The following DLG2 variants were observed in gnomAD, a reference collection of about 807,000 sequenced individuals.
DLG2 encodes the protein discs large MAGUK scaffold protein 2, also known as disks large homolog 2.
In DLG2, 45 loss-of-function variants were observed where a neutral mutation model predicts 132.5. The observed-to-expected ratio is 0.34, with a 90% confidence interval of 0.27 to 0.44. The LOEUF (loss-of-function observed/expected upper bound fraction) is 0.44. Among genes scored for constraint, DLG2 ranks in the 20% least tolerant of loss-of-function variants. The probability of loss-of-function intolerance (pLI) is 1.00; values close to 1 mark genes in which losing one functional copy is unlikely to be tolerated. For synonymous variants in DLG2, 424 were observed against 419.6 expected, an observed-to-expected ratio of 1.01 and a Z score of -0.13; for missense variants, 1,045 against 1,196.9, an observed-to-expected ratio of 0.87 and a Z score of 1.87.
At chr11:85,422,943 A>G (rs2090433579) in intron 3 of DLG2, among the ~76,000 whole-genome samples, 1 of 144,072 alleles carries the variant, frequency 6.9e-6, no homozygotes, top group South Asian at 2.3e-4. Context: ...TTTTCAGGTA[A>G]ATCAGGGATT....
rs149806301 is a variant in DLG2, at chr11:85,097,263, G to A, written c.357+14398C>T. ...ACTCTATTCCCTTCTTTAGGCACCCGGGCTCACCAATCAGAAAGACATAAT... is the reference window on the plus strand; with the variant it reads ...ACTCTATTCCCTTCTTTAGGCACCCAGGCTCACCAATCAGAAAGACATAAT... On this transcript the variant is annotated intron_variant, in intron 6 of 27. Coordinates refer to ENST00000376104, the MANE Select transcript of DLG2 (RefSeq NM_001142699.3). Among the ~76,000 whole-genome samples, 1,095 of 152,038 alleles carry A rather than the reference G, an allele frequency of 7.2e-3. 11 individuals carry two copies. The highest frequency in any genetic ancestry group is 0.025 in the African/African-American group (1,041 of 41,472).
chr11:84,308,328 G>A (rs1267450767), intron 7 of DLG2, among the ~76,000 whole-genome samples: 1 of 152,154 alleles, frequency 6.6e-6, no homozygotes, highest in African/African-American at 2.4e-5. Flanking sequence ...ACAGAGTGTC[G>A]ATTGGTGCAT....
intron 3 of DLG2, among the ~76,000 whole-genome samples, chr11:85,485,276 G>A (rs948900981): frequency 9.2e-5 from 14 of 151,988 alleles, no homozygotes; most frequent in Admixed American, 5.9e-4. Context: ...TGGGTGCAGC[G>A]CACCAGCATG....
At chr11:84,007,682 G>A (rs1305797916) in intron 11 of DLG2, among the ~76,000 whole-genome samples, 1 of 151,626 alleles carries the variant, frequency 6.6e-6, no homozygotes, top group African/African-American at 2.4e-5. Context: ...TTTCTAATAC[G>A]TAAAGAGATA....
intron 19 of DLG2, among the ~76,000 whole-genome samples, chr11:83,604,233 T>C (rs1471265912): frequency 6.6e-6 from 1 of 152,202 alleles, no homozygotes; most frequent in Non-Finnish European, 1.5e-5. Context: ...TTTACTATAT[T>C]CACAATGACA....
intron 3 of DLG2, among the ~76,000 whole-genome samples, chr11:85,344,387 G>A (rs2082693493): frequency 6.6e-6 from 1 of 152,116 alleles, no homozygotes; most frequent in African/African-American, 2.4e-5. Flanking sequence ...ACGGGAATTA[G>A]AGGGCTTCTT....
chr11:84,370,275 G>T (rs1273943198), intron 7 of DLG2, among the ~76,000 whole-genome samples: 11 of 151,910 alleles, frequency 7.2e-5, no homozygotes, highest in Non-Finnish European at 1.3e-4. Context: ...ACTTTATTAG[G>T]TACTTAAAAT....
intron 9 of DLG2, among the ~76,000 whole-genome samples, chr11:84,115,999 T>G (rs778390493): frequency 6.6e-6 from 1 of 152,136 alleles, no homozygotes; most frequent in African/African-American, 2.4e-5. Flanking sequence ...TAAGAAGCGG[T>G]AATAGAGTGA....
At chr11:84,394,028 G>T (rs1043586266) in intron 7 of DLG2, among the ~76,000 whole-genome samples, 1 of 151,992 alleles carries the variant, frequency 6.6e-6, no homozygotes, top group Non-Finnish European at 1.5e-5. Flanking sequence ...TGTGATTACA[G>T]GCATGCATCA....
chr11:85,097,818 C>A (rs867998982), intron 6 of DLG2, among the ~76,000 whole-genome samples: 2 of 152,114 alleles, frequency 1.3e-5, no homozygotes, highest in African/African-American at 4.8e-5. Context: ...GTCCCTAGAC[C>A]TGGGATTTTG....
At chr11:84,794,509 A>C (rs990597327) in intron 6 of DLG2, among the ~76,000 whole-genome samples, 2 of 152,116 alleles carry the variant, frequency 1.3e-5, no homozygotes, top group Non-Finnish European at 2.9e-5. Context: ...ATGGTTCAAC[A>C]CCTGGGCATC....
At chr11:85,093,312 T>G (rs1459468623) in intron 6 of DLG2, among the ~76,000 whole-genome samples, 1 of 151,936 alleles carries the variant, frequency 6.6e-6, no homozygotes, top group African/African-American at 2.4e-5. Flanking sequence ...AGTTTTTGTT[T>G]TTTTTTTGTA....
At chr11:85,020,857 C>G in intron 6 of DLG2, 1 of 757,628 alleles carries the variant, frequency 1.3e-6, no homozygotes, top group Non-Finnish European at 2.5e-6. Flanking sequence ...TCTTCATTGT[C>G]ATCATCCAGT....
At chr11:84,920,098 C>G (rs2092687258) in intron 6 of DLG2, among the ~76,000 whole-genome samples, 1 of 152,162 alleles carries the variant, frequency 6.6e-6, no homozygotes, top group African/African-American at 2.4e-5. Flanking sequence ...CTGTTGAAAG[C>G]TCTCCTTCTA....
chr11:84,511,902 G>A (rs2099258058), intron 7 of DLG2, among the ~76,000 whole-genome samples: 1 of 152,082 alleles, frequency 6.6e-6, no homozygotes, highest in South Asian at 2.1e-4. Flanking sequence ...GTAAAATTTG[G>A]TACAAACTGT....
At chr11:83,773,408 T>C (rs2094471166) in intron 18 of DLG2, among the ~76,000 whole-genome samples, 1 of 152,236 alleles carries the variant, frequency 6.6e-6, no homozygotes, top group Non-Finnish European at 1.5e-5. Flanking sequence ...AATTAATGTT[T>C]CCAAGACTCT....
chr11:84,528,809 A>G (rs2099328545), intron 7 of DLG2, among the ~76,000 whole-genome samples: 1 of 152,216 alleles, frequency 6.6e-6, no homozygotes, highest in Non-Finnish European at 1.5e-5. Context: ...ATTAGATTTT[A>G]ATCATTGCAA....
At chr11:83,673,477 G>A (rs116245249) in intron 18 of DLG2, among the ~76,000 whole-genome samples, 5 of 152,172 alleles carry the variant, frequency 3.3e-5, no homozygotes, top group Non-Finnish European at 7.3e-5. Context: ...TATGTTGCTA[G>A]TGGGGCAACT....
chr11:84,652,190 GT>G (rs1373887147), intron 6 of DLG2, among the ~76,000 whole-genome samples: 1 of 152,114 alleles, frequency 6.6e-6, no homozygotes, highest in Non-Finnish European at 1.5e-5. Flanking sequence ...TCTTTCCAAA[GT>G]TTGTCATAAC....
Sources: gnomAD v4.1 joint callset for allele counts (sites outside exome capture counted in the v4.1 genomes callset) on GRCh38, gnomAD v4.1.1 for gene constraint, MANE v1.5 for transcripts, NCBI Gene and HGNC (gene_info 2026-07-23, HGNC 2026-07-21) for gene names.